KCNH5: variants seen among roughly 807,000 people sequenced by gnomAD.
KCNH5 encodes potassium voltage-gated channel subfamily H member 5.
A neutral mutation model predicts 96.1 loss-of-function variants in KCNH5; 46 were observed. The ratio of observed to expected loss-of-function variants is 0.48; its 90% CI spans 0.38 to 0.61. The LOEUF is 0.61. KCNH5 is among the 20% of genes least tolerant of loss of function. The pLI is 0.00. For synonymous variants in KCNH5, 439 were observed against 449.8 expected, an observed-to-expected ratio of 0.98 and a Z score of 0.30; for missense variants, 907 against 1,225.8, an observed-to-expected ratio of 0.74 and a Z score of 3.88.
chr14:62,909,712 G>T (rs969184795), intron 7 of KCNH5, among the ~76,000 whole-genome samples: 1 of 151,516 alleles, frequency 6.6e-6, no homozygotes, highest in Non-Finnish European at 1.5e-5. Context: ...TTGCTCACCC[G>T]CCACCCACAC....
intron 6 of KCNH5, among the ~76,000 whole-genome samples, chr14:62,971,658 C>CA (rs34381154): frequency 0.4 from 61,217 of 151,686 alleles, 13,137 homozygotes; most frequent in African/African-American, 0.54. Flanking sequence ...AAAAAATAGA[C>CA]AATAGATTAA....
intron 6 of KCNH5, among the ~76,000 whole-genome samples, chr14:62,957,875 C>A (rs1390185544): frequency 6.6e-6 from 1 of 152,120 alleles, no homozygotes; most frequent in Non-Finnish European, 1.5e-5. Context: ...CCAAACCTAG[C>A]CTAAATCAGC....
chr14:62,727,185 TA>T (rs1031639246), intron 10 of KCNH5, among the ~76,000 whole-genome samples: 2 of 151,890 alleles, frequency 1.3e-5, no homozygotes, highest in Non-Finnish European at 2.9e-5. Flanking sequence ...GCCAGCGTGG[TA>T]AAACCCCGTC....
At position 62,916,596 on chromosome 14, in the gene KCNH5, G is replaced by GA. The variant is rs113644065; in HGVS notation, c.1369+33536dup. On this transcript the variant is annotated intron_variant, in intron 7 of 10. Coordinates refer to ENST00000322893, the MANE Select transcript of KCNH5 (RefSeq NM_139318.5). ...ACGTGCCTTCTCTGATTTCTGATGAGAAAAAATGTCTTTTTCCACTGCCAT... is the reference window on the plus strand; with the variant it reads ...ACGTGCCTTCTCTGATTTCTGATGAGAAAAAAATGTCTTTTTCCACTGCCAT... 3.3e-3 allele frequency among the ~76,000 whole-genome samples: 510 copies of GA among 152,248 alleles called. 4 individuals carry two copies. The highest frequency in any genetic ancestry group is 0.012 in the African/African-American group (485 of 41,546).
Position 62,980,920 on chromosome 14 carries a change from C to T in KCNH5, c.894G>A (p.Leu298=), listed in dbSNP as rs142927077. 48 of 1,613,984 alleles carry T rather than the reference C, an allele frequency of 3.0e-5. No homozygotes were observed. The highest frequency in any genetic ancestry group is 3.6e-5 in the Non-Finnish European group (42 of 1,180,008). ...YLKTWFVIDL[L]SCLPYDIINA... is the part of the protein sequence containing the mutation. ...TGATGATGTCATAAGGTAAACAAGA[C>T]AGCAGATCGATCACAAACCAAGTTT... Residue 298 remains leucine, a synonymous_variant, in exon 6 of 11, where the codon CTG becomes CTA. Transcript: ENST00000322893.
intron 7 of KCNH5, among the ~76,000 whole-genome samples, chr14:62,915,450 TAG>T (rs1367718473): frequency 1.3e-5 from 2 of 152,156 alleles, no homozygotes; most frequent in Non-Finnish European, 2.9e-5. Context: ...TCTTTCCCAG[TAG>T]AGTTAAAGGT....
intron 7 of KCNH5, among the ~76,000 whole-genome samples, chr14:62,931,084 T>A (rs897662315): frequency 1.3e-5 from 2 of 151,942 alleles, no homozygotes; most frequent in African/African-American, 2.4e-5. Context: ...ATCTAATGAG[T>A]ACAGAGAAAA....
At chr14:63,010,665 C>T (rs1891208084) in intron 2 of KCNH5, among the ~76,000 whole-genome samples, 1 of 152,184 alleles carries the variant, frequency 6.6e-6, no homozygotes, top group Admixed American at 6.5e-5. Flanking sequence ...TGGCAGTTAT[C>T]GTTCATGTGT....
chr14:62,868,223 A>T (rs1888174959), intron 7 of KCNH5, among the ~76,000 whole-genome samples: 1 of 152,200 alleles, frequency 6.6e-6, no homozygotes, highest in South Asian at 2.1e-4. Flanking sequence ...AGCCTTCCAC[A>T]TTCTTCCCAC....
At chr14:62,802,301 G>C in intron 9 of KCNH5, 28 bp downstream of exon 9, 2 of 1,599,986 alleles carry the variant, frequency 1.3e-6, no homozygotes, top group South Asian at 2.2e-5. Context: ...CTACGCATTT[G>C]CTACTACATT....
intron 8 of KCNH5, among the ~76,000 whole-genome samples, chr14:62,845,088 G>C (rs972106487): frequency 4.6e-5 from 7 of 151,804 alleles, no homozygotes; most frequent in African/African-American, 1.7e-4. Flanking sequence ...TATATTCATA[G>C]TTAAATTTGA....
chr14:63,003,853 C>T (rs1209051160), intron 3 of KCNH5, among the ~76,000 whole-genome samples: 1 of 151,336 alleles, frequency 6.6e-6, no homozygotes, highest in Non-Finnish European at 1.5e-5. Context: ...ATTTCCTGAC[C>T]TCGTGATCCG....
At chr14:62,938,180 G>A (rs1177357046) in intron 7 of KCNH5, among the ~76,000 whole-genome samples, 1 of 152,078 alleles carries the variant, frequency 6.6e-6, no homozygotes, top group Admixed American at 6.6e-5. Context: ...TTAAAAATAA[G>A]CTCAACTTTA....
At chr14:63,033,841 T>C (rs1018839110) in intron 1 of KCNH5, among the ~76,000 whole-genome samples, 1 of 152,028 alleles carries the variant, frequency 6.6e-6, no homozygotes, top group Admixed American at 6.6e-5. Context: ...GGGGTGGGTG[T>C]TGCTAAGCAG....
In KCNH5 at chr14:62,862,961, G is replaced by A. The variant is rs549398594; in HGVS notation, c.1370-13109C>T. Among the ~76,000 whole-genome samples, 15 of 152,192 alleles carry A rather than the reference G, an allele frequency of 9.9e-5. No homozygotes were observed. The East Asian group carries it at 2.5e-3, about 26-fold the overall frequency. On this transcript the variant is annotated intron_variant, in intron 7 of 10. Transcript: ENST00000322893. Reference sequence around the variant, plus strand: ...ACCGATGCATCTTTCTCCCATGAAAGCCCTCCGTTTTGCTCCATCCTTCCT... The same window carrying A: ...ACCGATGCATCTTTCTCCCATGAAAACCCTCCGTTTTGCTCCATCCTTCCT...
intron 4 of KCNH5, among the ~76,000 whole-genome samples, chr14:62,999,514 C>T (rs1207613336): frequency 6.6e-6 from 1 of 151,746 alleles, no homozygotes; most frequent in Non-Finnish European, 1.5e-5. Flanking sequence ...ACATACACAC[C>T]ATGGAATACT....
chr14:62,912,304 A>C (rs1460103245), intron 7 of KCNH5, among the ~76,000 whole-genome samples: 1 of 151,962 alleles, frequency 6.6e-6, no homozygotes, highest in Non-Finnish European at 1.5e-5. Flanking sequence ...ATCAAATCTT[A>C]TTCTTTGTCT....
Position 62,707,422 on chromosome 14 carries a change from A to C in KCNH5, c.*86T>G. 1.5e-6 allele frequency: 1 copy of C among 646,952 alleles called. No individual in the cohort carries two copies. The highest frequency in any genetic ancestry group is 2.2e-6 in the Non-Finnish European group (1 of 445,252). 40.1% of individuals were successfully genotyped at this position (646,952 alleles called of 1,614,324 possible). Reference sequence around the variant, plus strand: ...ATGTGTGGTCATCATCTTGAAAGCAAGTGAAAATATATATATGTATATACT... The same window carrying C: ...ATGTGTGGTCATCATCTTGAAAGCACGTGAAAATATATATATGTATATACT... On this transcript the variant is annotated 3_prime_UTR_variant, in exon 11 of 11. Transcript: ENST00000322893.
chr14:62,720,969 A>T (rs1384030766), intron 10 of KCNH5, among the ~76,000 whole-genome samples: 1 of 152,170 alleles, frequency 6.6e-6, no homozygotes, highest in Non-Finnish European at 1.5e-5. Flanking sequence ...CTCCCATAAA[A>T]ATGGCGAAGA....
Sources: allele counts gnomAD v4.1 joint callset (sites outside exome capture counted in the v4.1 genomes callset), GRCh38; gene constraint gnomAD v4.1.1; transcripts MANE v1.5; gene names NCBI Gene and HGNC (gene_info 2026-07-23, HGNC 2026-07-21).